The following CDC42SE2 variants were observed in gnomAD, a reference collection of about 807,000 sequenced individuals.
CDC42SE2 encodes CDC42 small effector 2.
A neutral mutation model predicts 11.5 loss-of-function variants in CDC42SE2; 3 were observed. The ratio of observed to expected loss-of-function variants is 0.26; its 90% CI spans 0.12 to 0.67. The LOEUF is 0.67. Ranked by LOEUF, CDC42SE2 falls within the 30% of genes least tolerant of loss-of-function variation. The pLI, the probability that CDC42SE2 is intolerant of heterozygous loss-of-function variation, is 0.80. For synonymous variants in CDC42SE2, 33 were observed against 34.8 expected (o/e 0.95, Z 0.18); for missense variants, 82 against 106.8 (o/e 0.77, Z 1.02).
At chr5:131,365,547 A>G (rs929385600) in intron 3 of CDC42SE2, among the ~76,000 whole-genome samples, 10 of 152,358 alleles carry the variant, frequency 6.6e-5, no homozygotes, top group Admixed American at 4.6e-4. Flanking sequence ...AGGTATGAGT[A>G]TAGTAAAAGT....
intron 1 of CDC42SE2, chr5:131,252,956 C>T (rs189306418): frequency 6.6e-6 from 1 of 152,306 alleles, no homozygotes; most frequent in African/African-American, 2.4e-5. Flanking sequence ...TGTGATAATA[C>T]TTCTAAACTG....
intron 3 of CDC42SE2, among the ~76,000 whole-genome samples, chr5:131,360,211 C>T (rs565147000): frequency 6.6e-6 from 1 of 152,130 alleles, no homozygotes; most frequent in African/African-American, 2.4e-5. Context: ...ACTTCCGCCT[C>T]CTGGGTTCAA....
intron 2 of CDC42SE2, among the ~76,000 whole-genome samples, chr5:131,255,869 T>G (rs1221314103): frequency 6.6e-6 from 1 of 152,236 alleles, no homozygotes; most frequent in Non-Finnish European, 1.5e-5. Context: ...TATGAATTAT[T>G]AAATTTAATT....
intron 3 of CDC42SE2, among the ~76,000 whole-genome samples, chr5:131,379,307 C>T (rs772549716): frequency 1.4e-4 from 22 of 152,214 alleles, no homozygotes; most frequent in Non-Finnish European, 5.9e-5. Flanking sequence ...CTTCTGCTAA[C>T]CTGATGGGAC....
intron 2 of CDC42SE2, among the ~76,000 whole-genome samples, chr5:131,331,648 A>AT (rs1489082790): frequency 1.3e-5 from 2 of 152,168 alleles, no homozygotes; most frequent in African/African-American, 4.8e-5. Context: ...TCTATCTGTG[A>AT]TTTTTTAAAA....
At chr5:131,256,833 T>A (rs1323101625) in intron 2 of CDC42SE2, among the ~76,000 whole-genome samples, 1 of 152,218 alleles carries the variant, frequency 6.6e-6, no homozygotes, top group African/African-American at 2.4e-5. Flanking sequence ...CAGAGAAAAC[T>A]CTTCACTTTC....
rs542241478 is a variant in CDC42SE2 at position 131,359,558 on chromosome 5, A to C, written c.54+11A>C. On this transcript the variant is annotated intron_variant, in intron 3 of 4. Transcript: ENST00000505065. ...GAACAGCCTCAGCCTGTAAGTATGAAGTATGTGGACACATCAGGTGGGGTG... is the reference window on the plus strand; with the variant it reads ...GAACAGCCTCAGCCTGTAAGTATGACGTATGTGGACACATCAGGTGGGGTG... The C allele has an allele frequency of 2.4e-5, 39 of 1,604,146 alleles. No individual in the cohort carries two copies. Among genetic ancestry groups the C allele is most frequent in the Middle Eastern group, 3.3e-4 (2 of 6,028 alleles).
chr5:131,320,790 GTAGA>G (rs1758171256), intron 2 of CDC42SE2, among the ~76,000 whole-genome samples: 1 of 152,124 alleles, frequency 6.6e-6, no homozygotes, highest in Non-Finnish European at 1.5e-5. Context: ...TATAATTCTG[GTAGA>G]TAGATCAGTG....
At chr5:131,339,498 A>T (rs1255525404) in intron 2 of CDC42SE2, among the ~76,000 whole-genome samples, 1 of 152,006 alleles carries the variant, frequency 6.6e-6, no homozygotes, top group Non-Finnish European at 1.5e-5. Flanking sequence ...AGCCAAATAG[A>T]ACTTATTAAA....
chr5:131,243,470 C>T (rs183633289), upstream of CDC42SE2, among the ~76,000 whole-genome samples: 30 of 152,232 alleles, frequency 2.0e-4, no homozygotes, highest in Middle Eastern at 3.4e-3. Flanking sequence ...CCTGTAGTCC[C>T]AGCTACTCGG....
At chr5:131,371,788 A>C (rs187919867) in intron 3 of CDC42SE2, among the ~76,000 whole-genome samples, 32 of 152,348 alleles carry the variant, frequency 2.1e-4, no homozygotes, top group Middle Eastern at 3.4e-3. Context: ...GTTGGATATA[A>C]AGTTGAATTG....
At position 131,320,353 on chromosome 5, in the gene CDC42SE2, C is replaced by G. The variant is rs185601781; in HGVS notation, c.-286+4209C>G. Among the ~76,000 whole-genome samples the G allele has an allele frequency of 7.1e-4, 107 of 151,338 alleles. 3 individuals are homozygous for G. The East Asian group carries it at 0.018, about 26-fold the overall frequency. On this transcript the variant is annotated intron_variant, in intron 2 of 4. Coordinates refer to ENST00000505065, the MANE Select transcript of CDC42SE2 (RefSeq NM_001375635.1). The stretch of plus-strand genomic sequence containing the variant: ...GTTGCATTGAGCTGAGATTGTGCCA[C>G]TGTACTCCAGCCTGCGTGACAGAGC...
intron 1 of CDC42SE2, among the ~76,000 whole-genome samples, chr5:131,314,356 T>C (rs1757995737): frequency 6.6e-6 from 1 of 151,792 alleles, no homozygotes; most frequent in Admixed American, 6.6e-5. Context: ...CACAGCCTCC[T>C]GAGTAGCTAG....
intron 2 of CDC42SE2, among the ~76,000 whole-genome samples, chr5:131,329,385 G>GT (rs1304314248): frequency 3.3e-5 from 5 of 151,982 alleles, no homozygotes; most frequent in African/African-American, 9.7e-5. Context: ...ATTTACTTCT[G>GT]TTTTTTTCTT....
Position 131,392,914 on chromosome 5 carries a change from C to G in CDC42SE2, c.*1823C>G, listed in dbSNP as rs1750707551. ...CACATCAGTTGCCAAGAGCAACATA[C>G]ATACCGACCTGGCTGAATTATTGCC... On this transcript the variant is annotated 3_prime_UTR_variant, in exon 5 of 5. Transcript: ENST00000505065. 1.3e-5 allele frequency: 2 copies of G among 152,378 alleles called. No individual in the cohort carries two copies. Among genetic ancestry groups the G allele is most frequent in the Admixed American group, 1.3e-4 (2 of 15,286 alleles). 9.4% of individuals were successfully genotyped at this position (152,378 alleles called of 1,614,324 possible).
At chr5:131,258,923 G>A (rs1219444735) in intron 2 of CDC42SE2, among the ~76,000 whole-genome samples, 1 of 152,164 alleles carries the variant, frequency 6.6e-6, no homozygotes, top group African/African-American at 2.4e-5. Flanking sequence ...GCAAACAGCA[G>A]GCATTCAATG....
intron 1 of CDC42SE2, among the ~76,000 whole-genome samples, chr5:131,272,429 A>G (rs1190937833): frequency 6.6e-6 from 1 of 152,096 alleles, no homozygotes; most frequent in Non-Finnish European, 1.5e-5. Flanking sequence ...TTTTCAGCTC[A>G]TGACCTTGTT....
chr5:131,365,907 G>A (rs180804229), intron 3 of CDC42SE2, among the ~76,000 whole-genome samples: 35 of 152,286 alleles, frequency 2.3e-4, no homozygotes, highest in Admixed American at 1.8e-3. Context: ...GTGTGAACCC[G>A]GGAAGCGGAG....
chr5:131,260,795 G>T (rs1045475631), upstream of CDC42SE2, among the ~76,000 whole-genome samples: 1 of 152,092 alleles, frequency 6.6e-6, no homozygotes, highest in Non-Finnish European at 1.5e-5. Context: ...TTAGCCGGGC[G>T]TGGTGGCAGG....
Sources: gnomAD v4.1 joint callset for allele counts (sites outside exome capture counted in the v4.1 genomes callset) on GRCh38, gnomAD v4.1.1 for gene constraint, MANE v1.5 for transcripts, NCBI Gene and HGNC (gene_info 2026-07-23, HGNC 2026-07-21) for gene names.